Variants in VPS13B observed in about 807,000 individuals in gnomAD.
VPS13B encodes the protein vacuolar protein sorting 13 homolog B.
A neutral mutation model predicts 426.4 loss-of-function variants in VPS13B; 285 were observed. That is an observed-to-expected ratio of 0.67 (90% CI 0.61 to 0.74). The LOEUF (loss-of-function observed/expected upper bound fraction) is 0.74. VPS13B is among the 30% of genes least tolerant of loss of function. The pLI is 0.00. For missense variants in VPS13B, 4,537 were observed against 4,782.6 expected, an observed-to-expected ratio of 0.95 and a Z score of 1.51; for synonymous variants, 1,676 against 1,676.4, an observed-to-expected ratio of 1.00 and a Z score of 0.01.
chr8:99,610,345 GC>G (rs1205852643), intron 33 of VPS13B, among the ~76,000 whole-genome samples: 1 of 152,064 alleles, frequency 6.6e-6, no homozygotes, highest in Non-Finnish European at 1.5e-5. Flanking sequence ...CAACCCAAAT[GC>G]CCATCAATGA....
intron 39 of VPS13B, among the ~76,000 whole-genome samples, chr8:99,724,542 C>T (rs919661555): frequency 2.0e-5 from 3 of 152,080 alleles, no homozygotes; most frequent in African/African-American, 7.2e-5. Context: ...TGACCTTGGG[C>T]AAACTACTGA....
chr8:99,337,032 T>TA (rs1301815983), intron 19 of VPS13B, among the ~76,000 whole-genome samples: 1 of 152,144 alleles, frequency 6.6e-6, no homozygotes, highest in Admixed American at 6.5e-5. Context: ...CAAAGGATTA[T>TA]AAATCATGCT....
Position 99,239,382 on chromosome 8 carries a change from A to T in VPS13B, c.2516-34816A>T, listed in dbSNP as rs150408527. On this transcript the variant is annotated intron_variant, in intron 17 of 61. Transcript: ENST00000357162. ...AAATTACTTTATTCTTATCATCTGG[A>T]TACCCTATTTTGCCGAGTAAACTGT... is the stretch of plus-strand genomic sequence containing the variant. 2.0e-5 allele frequency among the ~76,000 whole-genome samples: 3 copies of T among 152,256 alleles called. No individual in the cohort carries two copies. In the East Asian group the frequency reaches 5.8e-4, roughly 29 times the overall value.
chr8:99,837,529 T>C (rs1452078886), intron 54 of VPS13B, among the ~76,000 whole-genome samples: 1 of 152,184 alleles, frequency 6.6e-6, no homozygotes, highest in Non-Finnish European at 1.5e-5. Context: ...GGGATTCCCA[T>C]TCACTCTAAA....
chr8:99,029,609 C>CCA (rs1461229778), intron 2 of VPS13B, among the ~76,000 whole-genome samples: 1 of 142,806 alleles, frequency 7.0e-6, no homozygotes, highest in Non-Finnish European at 1.5e-5. Flanking sequence ...CTGTCTCCAC[C>CCA]AAAAAAAAAA....
At chr8:99,299,639 C>T (rs1336278730) in intron 19 of VPS13B, among the ~76,000 whole-genome samples, 2 of 151,416 alleles carry the variant, frequency 1.3e-5, no homozygotes, top group South Asian at 2.1e-4. Context: ...TGGCCAGGCA[C>T]GGTGGCTCAT....
In VPS13B at chr8:99,136,661, G is replaced by A. The variant is rs1170734091; in HGVS notation, c.1564-4G>A. On this transcript the variant is annotated splice_polypyrimidine_tract_variant and splice_region_variant and intron_variant, in intron 11 of 61. Coordinates refer to ENST00000357162, the MANE Select transcript of VPS13B (RefSeq NM_152564.5). ...TTATTCTGTTTGCATTGCTTTGTTG[G>A]CAGGAGACATACACTGAGATAGCTG... 6.2e-7 allele frequency: 1 copy of A among 1,613,308 alleles called. No homozygotes were observed. The highest frequency in any genetic ancestry group is 8.5e-7 in the Non-Finnish European group (1 of 1,179,482).
intron 19 of VPS13B, among the ~76,000 whole-genome samples, chr8:99,325,880 C>T (rs1209550138): frequency 6.6e-6 from 1 of 152,000 alleles, no homozygotes; most frequent in African/African-American, 2.4e-5. Flanking sequence ...CTTTTACGGC[C>T]CTTAGTATCT....
Position 99,871,474 on chromosome 8 carries a change from C to T in VPS13B, c.11522C>T (p.Pro3841Leu), listed in dbSNP as rs752395430. ...VWKMLQSLGRPEVHMALDVVL... is the reference protein window; with the variant it reads ...VWKMLQSLGRLEVHMALDVVL... ...AAAATGCTTCAGTCTCTGGGCAGACCAGAAGTCCACATGGCCCTGGACGTG... is the reference window on the plus strand; with the variant it reads ...AAAATGCTTCAGTCTCTGGGCAGACTAGAAGTCCACATGGCCCTGGACGTG... Residue 3841 changes from proline to leucine, a missense_variant, in exon 61 of 62, where the codon CCA becomes CTA. Physicochemically the swap from Pro to Leu is moderately conservative, Grantham distance 98. Transcript: ENST00000357162. 6.2e-7 allele frequency: 1 copy of T among 1,614,170 alleles called. No homozygotes were observed. The highest frequency in any genetic ancestry group is 8.5e-7 in the Non-Finnish European group (1 of 1,180,030).
At chr8:99,140,556 C>T (rs1474292795) in intron 12 of VPS13B, among the ~76,000 whole-genome samples, 3 of 149,706 alleles carry the variant, frequency 2.0e-5, no homozygotes, top group African/African-American at 7.4e-5. Flanking sequence ...TCTTCTCCTC[C>T]TTCTCCTCCT....
At chr8:99,198,770 G>C (rs1287414914) in intron 17 of VPS13B, among the ~76,000 whole-genome samples, 1 of 151,892 alleles carries the variant, frequency 6.6e-6, no homozygotes, top group East Asian at 1.9e-4. Flanking sequence ...ATTTATAACA[G>C]ATTAAAGAGA....
chr8:99,822,161 T>G (rs1814407511), intron 50 of VPS13B, among the ~76,000 whole-genome samples: 2 of 152,246 alleles, frequency 1.3e-5, no homozygotes, highest in Admixed American at 1.3e-4. Flanking sequence ...GCTGTACTTC[T>G]AATATCATCA....
At chr8:99,435,758 T>C (rs1175282447) in intron 22 of VPS13B, among the ~76,000 whole-genome samples, 1 of 152,184 alleles carries the variant, frequency 6.6e-6, no homozygotes, top group Non-Finnish European at 1.5e-5. Flanking sequence ...AGAGATCTTC[T>C]AGATTCTTGT....
At chr8:99,590,943 G>A (rs1217693143) in intron 33 of VPS13B, among the ~76,000 whole-genome samples, 2 of 152,058 alleles carry the variant, frequency 1.3e-5, no homozygotes, top group Non-Finnish European at 2.9e-5. Flanking sequence ...GGGTGTTAAA[G>A]TCTCCCATTG....
chr8:99,832,449 T>A lies in VPS13B; in HGVS notation c.9411T>A (p.Pro3137=). The A allele has an allele frequency of 6.2e-7, 1 of 1,609,312 alleles. No homozygotes were observed. Among genetic ancestry groups the A allele is most frequent in the Non-Finnish European group, 8.5e-7 (1 of 1,178,190 alleles). Residue 3137 remains proline, a synonymous_variant, in exon 52 of 62, where the codon CCT becomes CCA. Coordinates refer to ENST00000357162, the MANE Select transcript of VPS13B (RefSeq NM_152564.5). The part of the protein sequence containing the change: ...EQPAMKSSSL[P]CWDLMPDISQ... The stretch of plus-strand genomic sequence containing the variant: ...CTGCTATGAAATCCAGCTCCCTTCC[T>A]TGCTGGGACTTGATGCCTGACATCA...
intron 19 of VPS13B, among the ~76,000 whole-genome samples, chr8:99,367,272 C>G (rs1812942553): frequency 6.6e-6 from 1 of 152,152 alleles, no homozygotes; most frequent in Non-Finnish European, 1.5e-5. Flanking sequence ...ACAGGATATA[C>G]TATTCTAGGG....
At chr8:99,344,771 G>A (rs1034602961) in intron 19 of VPS13B, among the ~76,000 whole-genome samples, 6 of 148,484 alleles carry the variant, frequency 4.0e-5, no homozygotes, top group African/African-American at 1.5e-4. Flanking sequence ...TTTTTATATT[G>A]CAGATTCTAA....
At chr8:99,255,247 T>TC (rs1817688225) in intron 17 of VPS13B, among the ~76,000 whole-genome samples, 2 of 152,300 alleles carry the variant, frequency 1.3e-5, no homozygotes, top group South Asian at 2.1e-4. Flanking sequence ...CTCTTTTTTT[T>TC]CCCTACAAAT....
intron 27 of VPS13B, among the ~76,000 whole-genome samples, chr8:99,505,425 A>G (rs1205377907): frequency 6.6e-6 from 1 of 152,146 alleles, no homozygotes; most frequent in East Asian, 1.9e-4. Flanking sequence ...CTTAGGGGCC[A>G]TTGTAGGGTT....
Sources: allele counts gnomAD v4.1 joint callset (sites outside exome capture counted in the v4.1 genomes callset), GRCh38; gene constraint gnomAD v4.1.1; transcripts MANE v1.5; gene names NCBI Gene and HGNC (gene_info 2026-07-23, HGNC 2026-07-21).